ADAM18: variants seen among roughly 807,000 people sequenced by gnomAD.
ADAM18 encodes the protein ADAM metallopeptidase domain 18.
ADAM18 carries 117 observed loss-of-function variants against 94.4 expected under a neutral mutation model. The ratio of observed to expected loss-of-function variants is 1.24; its 90% confidence interval spans 1.07 to 1.45. The LOEUF is 1.45. ADAM18 is among the 40% of genes most tolerant of loss of function. The probability of loss-of-function intolerance (pLI) is 0.00; values close to 1 mark genes in which losing one functional copy is unlikely to be tolerated. For synonymous variants in ADAM18, 327 were observed against 291.6 expected, an observed-to-expected ratio of 1.12 and a Z score of -1.24; for missense variants, 936 against 880.0, an observed-to-expected ratio of 1.06 and a Z score of -0.81.
At chr8:39,624,489 A>G (rs1311224330) in intron 6 of ADAM18, among the ~76,000 whole-genome samples, 2 of 152,126 alleles carry the variant, frequency 1.3e-5, no homozygotes, top group East Asian at 1.9e-4. Flanking sequence ...GTTCTCTAGT[A>G]TATTCCATTG....
intron 12 of ADAM18, among the ~76,000 whole-genome samples, chr8:39,655,843 G>A (rs1206325155): frequency 6.6e-6 from 1 of 150,546 alleles, no homozygotes; most frequent in African/African-American, 2.5e-5. Flanking sequence ...TAAATGACTA[G>A]AAGAAAAAAA....
intron 6 of ADAM18, among the ~76,000 whole-genome samples, chr8:39,619,483 A>G (rs1819543494): frequency 6.6e-6 from 1 of 152,214 alleles, no homozygotes; most frequent in Admixed American, 6.5e-5. Flanking sequence ...TCTAACTATA[A>G]TGGGATAAAA....
At chr8:39,705,471 T>A (rs760410262) in intron 17 of ADAM18, among the ~76,000 whole-genome samples, 5 of 152,092 alleles carry the variant, frequency 3.3e-5, no homozygotes, top group Non-Finnish European at 7.4e-5. Flanking sequence ...ACTCCTGTAA[T>A]CCTAGCAATT....
At chr8:39,677,351 T>C (rs1821327185) in intron 14 of ADAM18, 80 bp from the exon 15 acceptor site, 1 of 1,159,170 alleles carries the variant, frequency 8.6e-7, no homozygotes, top group Non-Finnish European at 1.2e-6. Context: ...TTTTTGAAAT[T>C]AAATTTCCTT....
At chr8:39,685,973 T>C (rs186868288) in intron 16 of ADAM18, among the ~76,000 whole-genome samples, 71 of 152,280 alleles carry the variant, frequency 4.7e-4, no homozygotes, top group African/African-American at 1.6e-3. Context: ...TGAGACCTCA[T>C]CAAAATGGCT....
intron 13 of ADAM18, 71 bp downstream of exon 13, chr8:39,663,961 T>G (rs1820923011): frequency 1.3e-5 from 13 of 978,518 alleles, no homozygotes; most frequent in Non-Finnish European, 1.9e-5. Flanking sequence ...TGAATCAATG[T>G]GCAATTAATA....
intron 18 of ADAM18, among the ~76,000 whole-genome samples, chr8:39,719,835 T>G (rs1203031260): frequency 1.3e-5 from 2 of 151,432 alleles, no homozygotes; most frequent in African/African-American, 4.8e-5. Context: ...AAAACAAAAT[T>G]TATAGTTTCA....
At chr8:39,588,154 T>C (rs560920314) in intron 2 of ADAM18, among the ~76,000 whole-genome samples, 2 of 152,310 alleles carry the variant, frequency 1.3e-5, no homozygotes, top group African/African-American at 4.8e-5. Flanking sequence ...TTCCCACCAA[T>C]AGTGTACAAA....
At chr8:39,724,245 T>C (rs1026654978) in intron 19 of ADAM18, among the ~76,000 whole-genome samples, 1 of 151,824 alleles carries the variant, frequency 6.6e-6, no homozygotes, top group Admixed American at 6.6e-5. Flanking sequence ...TTAATATCTT[T>C]GTTCTTGTAA....
chr8:39,671,283 A>G (rs10103827), intron 14 of ADAM18, among the ~76,000 whole-genome samples: 11,517 of 152,250 alleles, frequency 0.076, 1,350 homozygotes, highest in African/African-American at 0.25. Context: ...GTATACTTGT[A>G]AGAGAGAATA....
At chr8:39,656,041 A>AT (rs1436044803) in intron 12 of ADAM18, among the ~76,000 whole-genome samples, 4 of 152,052 alleles carry the variant, frequency 2.6e-5, no homozygotes, top group Non-Finnish European at 4.4e-5. Flanking sequence ...CTAAGATGTA[A>AT]TTTTTTGTCC....
chr8:39,723,098 A>G (rs548874718), intron 18 of ADAM18, among the ~76,000 whole-genome samples: 1 of 151,540 alleles, frequency 6.6e-6, no homozygotes, highest in Non-Finnish European at 1.5e-5. Flanking sequence ...TAGTTAACTC[A>G]TTGCTGATTT....
intron 13 of ADAM18, among the ~76,000 whole-genome samples, chr8:39,667,284 C>A (rs1466987760): frequency 6.6e-6 from 1 of 151,718 alleles, no homozygotes. Context: ...TACCTATAAT[C>A]CTAGCTACTC....
chr8:39,673,248 T>C (rs757539441), intron 14 of ADAM18, among the ~76,000 whole-genome samples: 16 of 152,180 alleles, frequency 1.1e-4, no homozygotes, highest in Non-Finnish European at 1.9e-4. Flanking sequence ...GGTATGTCCA[T>C]GCTAGAGCAG....
At chr8:39,655,983 A>G (rs934481101) in intron 12 of ADAM18, among the ~76,000 whole-genome samples, 3 of 152,070 alleles carry the variant, frequency 2.0e-5, no homozygotes, top group African/African-American at 7.2e-5. Context: ...GGACTACTTA[A>G]TCAATGCAAG....
At chr8:39,589,858 A>C (rs1818521034) in intron 2 of ADAM18, among the ~76,000 whole-genome samples, 2 of 151,972 alleles carry the variant, frequency 1.3e-5, no homozygotes, top group African/African-American at 4.8e-5. Flanking sequence ...TGGCCATCAG[A>C]GAAATGCAAA....
At chr8:39,661,154 C>CTTTTT (rs34697066) in intron 12 of ADAM18, among the ~76,000 whole-genome samples, 5 of 116,778 alleles carry the variant, frequency 4.3e-5, no homozygotes, top group Non-Finnish European at 8.4e-5. Flanking sequence ...TCTTCTTCTT[C>CTTTTT]TTTTTTTTTT....
intron 6 of ADAM18, among the ~76,000 whole-genome samples, chr8:39,619,200 T>TA (rs1051656528): frequency 2.4e-4 from 37 of 152,270 alleles, no homozygotes; most frequent in African/African-American, 7.9e-4. Context: ...AAGGAAAAGA[T>TA]AGACACATAT....
intron 16 of ADAM18, among the ~76,000 whole-genome samples, chr8:39,683,272 A>C (rs1400413619): frequency 2.6e-5 from 4 of 152,220 alleles, no homozygotes; most frequent in Non-Finnish European, 5.9e-5. Flanking sequence ...CAAATTTGGA[A>C]GCATATTCAT....
Sources: allele counts gnomAD v4.1 joint callset (sites outside exome capture counted in the v4.1 genomes callset), GRCh38; gene constraint gnomAD v4.1.1; transcripts MANE v1.5; gene names NCBI Gene and HGNC (gene_info 2026-07-23, HGNC 2026-07-21).